The following PDLIM5 variants were observed in gnomAD, a reference collection of about 807,000 sequenced individuals.
PDLIM5 encodes the protein PDZ and LIM domain 5, also known as PDZ and LIM domain protein 5.
PDLIM5 carries 34 observed loss-of-function variants against 64.2 expected under a neutral mutation model. The ratio of observed to expected loss-of-function variants is 0.53; its 90% CI spans 0.40 to 0.71. PDLIM5 has a LOEUF of 0.71. PDLIM5 is among the 30% of genes least tolerant of loss of function. The pLI is 0.00. For missense variants in PDLIM5, 683 were observed against 733.6 expected, an observed-to-expected ratio of 0.93 and a Z score of 0.80; for synonymous variants, 253 against 269.1, an observed-to-expected ratio of 0.94 and a Z score of 0.59.
chr4:94,580,054 T>C (rs4699300), intron 5 of PDLIM5, among the ~76,000 whole-genome samples: 149,572 of 152,238 alleles, frequency 0.98, 73,501 homozygotes, highest in East Asian at 1. Flanking sequence ...CTTTGAAATT[T>C]GTTAAGAGAG....
rs552109372 is a variant in PDLIM5, at chr4:94,550,730, G to GAGCA, written c.249-22619_249-22616dup. ...TCAACTGTAATTATCCATACTTGAG[G>GAGCA]AGCAAAAGGGAATAGTTCTGATGTC... On this transcript the variant is annotated intron_variant, in intron 3 of 12. Transcript: ENST00000317968. Among the ~76,000 whole-genome samples the GAGCA allele has an allele frequency of 5.8e-4, 89 of 152,172 alleles. 2 individuals carry two copies. In the South Asian group the frequency reaches 0.018, roughly 31 times the overall value.
chr4:94,621,518 T>C (rs534604460), intron 8 of PDLIM5, among the ~76,000 whole-genome samples: 1 of 152,216 alleles, frequency 6.6e-6, no homozygotes, highest in Non-Finnish European at 1.5e-5. Flanking sequence ...ACTAAATTTC[T>C]GAGGTAGAAA....
intron 3 of PDLIM5, among the ~76,000 whole-genome samples, chr4:94,568,384 T>C (rs1484236298): frequency 6.7e-6 from 1 of 150,014 alleles, no homozygotes; most frequent in Non-Finnish European, 1.5e-5. Flanking sequence ...GTGGGACATA[T>C]AGAATAGATT....
intron 2 of PDLIM5, among the ~76,000 whole-genome samples, chr4:94,512,663 A>AT (rs1157650103): frequency 6.7e-6 from 1 of 150,254 alleles, no homozygotes; most frequent in Non-Finnish European, 1.5e-5. Context: ...GTAGTTTGCA[A>AT]TTTTTTTCTC....
At chr4:94,614,056 G>A (rs1013143985) in intron 7 of PDLIM5, among the ~76,000 whole-genome samples, 7 of 150,132 alleles carry the variant, frequency 4.7e-5, no homozygotes, top group Non-Finnish European at 7.4e-5. Flanking sequence ...TCCGCCTCGC[G>A]GGTTCAAGTG....
At chr4:94,453,978 C>G (rs1183836154) in intron 1 of PDLIM5, among the ~76,000 whole-genome samples, 1 of 152,102 alleles carries the variant, frequency 6.6e-6, no homozygotes, top group Non-Finnish European at 1.5e-5. Context: ...AAAAACCAGG[C>G]TTATTTGAAT....
At chr4:94,555,448 A>AG (rs1189074533) in intron 3 of PDLIM5, among the ~76,000 whole-genome samples, 4 of 152,234 alleles carry the variant, frequency 2.6e-5, no homozygotes. Context: ...ATATACATGG[A>AG]GAAAAACTTA....
intron 2 of PDLIM5, among the ~76,000 whole-genome samples, chr4:94,475,285 C>A (rs1725227343): frequency 6.6e-6 from 1 of 152,178 alleles, no homozygotes; most frequent in Non-Finnish European, 1.5e-5. Flanking sequence ...GAATGCCATG[C>A]AGATGATATG....
chr4:94,539,683 G>A (rs1731611777), intron 3 of PDLIM5, among the ~76,000 whole-genome samples: 1 of 152,188 alleles, frequency 6.6e-6, no homozygotes, highest in Non-Finnish European at 1.5e-5. Flanking sequence ...GTGTAGAGGA[G>A]TCAACATGTT....
Position 94,666,025 on chromosome 4 carries a change from A to G in PDLIM5, c.*1958A>G, listed in dbSNP as rs772214664. 4.6e-6 allele frequency: 7 copies of G among 1,534,270 alleles called. No homozygotes were observed. The South Asian group carries it at 8.3e-5, about 18-fold the overall frequency. ...ATTTGGTTTTTCTCTTTGTTTCCAG[A>G]ATGGATGAAAGTCCATGAACCTCCT... On this transcript the variant is annotated 3_prime_UTR_variant, in exon 13 of 13. Transcript: ENST00000317968.
chr4:94,527,259 G>A (rs1730455414), intron 3 of PDLIM5, among the ~76,000 whole-genome samples: 1 of 150,710 alleles, frequency 6.6e-6, no homozygotes, highest in Non-Finnish European at 1.5e-5. Context: ...GTTTCACCAT[G>A]TTGGCCAGGA....
intron 2 of PDLIM5, among the ~76,000 whole-genome samples, chr4:94,457,518 T>C (rs1474752983): frequency 6.6e-6 from 1 of 152,230 alleles, no homozygotes; most frequent in Non-Finnish European, 1.5e-5. Context: ...TATTCTACTT[T>C]AATTATCTAA....
At chr4:94,553,290 A>G (rs1732976340) in intron 3 of PDLIM5, among the ~76,000 whole-genome samples, 2 of 151,898 alleles carry the variant, frequency 1.3e-5, no homozygotes, top group African/African-American at 2.4e-5. Context: ...TGCATTTTTA[A>G]TAGAGACAGG....
chr4:94,572,419 A>T (rs1734881345), intron 3 of PDLIM5, among the ~76,000 whole-genome samples: 1 of 152,174 alleles, frequency 6.6e-6, no homozygotes, highest in African/African-American at 2.4e-5. Flanking sequence ...CATCTTAAGC[A>T]ATTTACCTAC....
At chr4:94,490,102 A>G (rs1726729144) in intron 2 of PDLIM5, among the ~76,000 whole-genome samples, 1 of 151,778 alleles carries the variant, frequency 6.6e-6, no homozygotes, top group African/African-American at 2.4e-5. Flanking sequence ...TTATGTGGCT[A>G]TAAATAAAAA....
At chr4:94,508,487 C>T (rs1234662991) in intron 2 of PDLIM5, among the ~76,000 whole-genome samples, 6 of 152,128 alleles carry the variant, frequency 3.9e-5, no homozygotes, top group Non-Finnish European at 7.4e-5. Context: ...TGAAAGGCTA[C>T]AGCTGTATAA....
At chr4:94,662,080 A>G (rs1742774063) in intron 11 of PDLIM5, among the ~76,000 whole-genome samples, 1 of 152,124 alleles carries the variant, frequency 6.6e-6, no homozygotes, top group African/African-American at 2.4e-5. Flanking sequence ...CAGCCTCCCA[A>G]AGTGCTGGGA....
chr4:94,569,099 A>G (rs1405626615), intron 3 of PDLIM5, among the ~76,000 whole-genome samples: 1 of 152,132 alleles, frequency 6.6e-6, no homozygotes, highest in African/African-American at 2.4e-5. Context: ...ACCTGTACCT[A>G]TATGGAATAA....
At position 94,496,311 on chromosome 4, in the gene PDLIM5, A is replaced by G. The variant is rs1350858540; in HGVS notation, c.97-27413A>G. On this transcript the variant is annotated intron_variant, in intron 2 of 12. Coordinates refer to ENST00000317968, the MANE Select transcript of PDLIM5 (RefSeq NM_006457.5). ...GATAAATATATTAGAGGTCATTTTA[A>G]TGATGATCAGTACAAGATTTTTTCC... Among the ~76,000 whole-genome samples, 6 of 152,214 alleles carry G rather than the reference A, an allele frequency of 3.9e-5. No homozygotes were observed. The East Asian group carries it at 9.6e-4, about 24-fold the overall frequency.
Sources: gnomAD v4.1 joint callset for allele counts (sites outside exome capture counted in the v4.1 genomes callset) on GRCh38, gnomAD v4.1.1 for gene constraint, MANE v1.5 for transcripts, NCBI Gene and HGNC (gene_info 2026-07-23, HGNC 2026-07-21) for gene names.